DLG2: variants seen among roughly 807,000 people sequenced by gnomAD.
The protein encoded by DLG2 is discs large MAGUK scaffold protein 2.
Under a neutral mutation model 132.5 loss-of-function variants are expected in DLG2, and 45 were observed. The ratio of observed to expected loss-of-function variants is 0.34; its 90% CI spans 0.27 to 0.44. DLG2 has a LOEUF of 0.44. Among genes scored for constraint, DLG2 ranks in the 20% least tolerant of loss-of-function variants. The probability of loss-of-function intolerance (pLI) is 1.00; values close to 1 mark genes in which losing one functional copy is unlikely to be tolerated. For synonymous variants in DLG2, 424 were observed against 419.6 expected, an observed-to-expected ratio of 1.01 and a Z score of -0.13; for missense variants, 1,045 against 1,196.9, an observed-to-expected ratio of 0.87 and a Z score of 1.87.
chr11:83,984,205 GAT>G (rs1221786112), intron 11 of DLG2, among the ~76,000 whole-genome samples: 6 of 127,304 alleles, frequency 4.7e-5, no homozygotes, highest in African/African-American at 2.2e-4. Context: ...TAGATAGATA[GAT>G]AGATAGATAG....
At chr11:83,914,242 C>T (rs2076550487) in intron 15 of DLG2, among the ~76,000 whole-genome samples, 1 of 152,030 alleles carries the variant, frequency 6.6e-6, no homozygotes, top group African/African-American at 2.4e-5. Context: ...CAAGATCTGG[C>T]TGTAAAAAAC....
intron 5 of DLG2, among the ~76,000 whole-genome samples, chr11:85,134,328 G>C (rs779309473): frequency 6.7e-6 from 1 of 148,976 alleles, no homozygotes; most frequent in Non-Finnish European, 1.5e-5. Flanking sequence ...AGGAGATCGA[G>C]ACCATCCCGG....
At chr11:83,874,090 AAG>A (rs1208455753) in intron 16 of DLG2, among the ~76,000 whole-genome samples, 3 of 152,022 alleles carry the variant, frequency 2.0e-5, no homozygotes, top group Non-Finnish European at 4.4e-5. Context: ...GAAAGAAAAA[AAG>A]AGAGAGAGTG....
At chr11:83,788,128 C>T (rs1479192885) in intron 17 of DLG2, among the ~76,000 whole-genome samples, 5 of 152,162 alleles carry the variant, frequency 3.3e-5, no homozygotes, top group Admixed American at 6.5e-5. Flanking sequence ...AGCTTATACA[C>T]GTTCAAAATG....
At chr11:84,150,549 A>G (rs976396231) in intron 9 of DLG2, among the ~76,000 whole-genome samples, 1 of 152,188 alleles carries the variant, frequency 6.6e-6, no homozygotes, top group Non-Finnish European at 1.5e-5. Flanking sequence ...ATAGTTTTCT[A>G]TTCTCTCAGT....
In DLG2 at chr11:85,493,279, A is replaced by G. The variant is rs191460910; in HGVS notation, c.40+105378T>C. ...GTAGAAGCTGAATAAACTTACAACT[A>G]CACTATACTCCAACCACACTATCTT... On this transcript the variant is annotated intron_variant, in intron 3 of 27. Transcript: ENST00000376104. Among the ~76,000 whole-genome samples the G allele has an allele frequency of 3.9e-5, 6 of 152,274 alleles. No individual in the cohort carries two copies. The East Asian group carries it at 1.2e-3, about 29-fold the overall frequency.
chr11:84,123,578 T>C (rs895483843), intron 9 of DLG2, among the ~76,000 whole-genome samples: 4 of 152,332 alleles, frequency 2.6e-5, no homozygotes, highest in African/African-American at 9.6e-5. Context: ...GTATGAATCC[T>C]GCTTACATTC....
At chr11:85,028,137 G>C (rs963123976) in intron 6 of DLG2, among the ~76,000 whole-genome samples, 11 of 152,146 alleles carry the variant, frequency 7.2e-5, no homozygotes, top group Admixed American at 2.6e-4. Context: ...GATCTGCAGT[G>C]GGTGGCTCCT....
chr11:84,075,982 C>A lies in DLG2; in HGVS notation c.750-16498G>T, dbSNP rs529509209. Among the ~76,000 whole-genome samples, 5 of 152,230 alleles carry A rather than the reference C, an allele frequency of 3.3e-5. No homozygotes were observed. The East Asian group carries it at 9.7e-4, about 29-fold the overall frequency. The stretch of plus-strand genomic sequence containing the variant: ...TCATTTGTGGAGGCAAAACTCAGAG[C>A]CTGAGGATGGTGGCATAAAGGATTA... On this transcript the variant is annotated intron_variant, in intron 10 of 27. Transcript: ENST00000376104.
chr11:83,462,830 G>C (rs575766724), intron 26 of DLG2, among the ~76,000 whole-genome samples: 126 of 151,928 alleles, frequency 8.3e-4, no homozygotes, highest in Middle Eastern at 6.8e-3. Context: ...TTTTTTAAAA[G>C]GCTCAAGGAT....
intron 6 of DLG2, among the ~76,000 whole-genome samples, chr11:84,746,572 C>T (rs1419119175): frequency 6.6e-6 from 1 of 151,934 alleles, no homozygotes; most frequent in African/African-American, 2.4e-5. Context: ...TAAGATGAGG[C>T]TAATGAAAAG....
At chr11:83,730,146 G>GTTT (rs541441004) in intron 18 of DLG2, among the ~76,000 whole-genome samples, 3,695 of 110,896 alleles carry the variant, frequency 0.033, 248 homozygotes, top group African/African-American at 0.12. Flanking sequence ...TTTTTTTATG[G>GTTT]TTTTTTTTTT....
intron 7 of DLG2, among the ~76,000 whole-genome samples, chr11:84,347,182 A>G (rs2098542971): frequency 6.6e-6 from 1 of 152,084 alleles, no homozygotes; most frequent in Admixed American, 6.6e-5. Context: ...CTTGGCAGTA[A>G]TTGGTTAGGG....
At chr11:84,663,076 T>G (rs1359156094) in intron 6 of DLG2, among the ~76,000 whole-genome samples, 1 of 152,050 alleles carries the variant, frequency 6.6e-6, no homozygotes, top group Non-Finnish European at 1.5e-5. Flanking sequence ...AAAATACATT[T>G]TCCTTAGTAT....
Position 85,092,526 on chromosome 11 carries a change from T to C in DLG2, c.357+19135A>G, listed in dbSNP as rs756042803. 1.3e-5 allele frequency among the ~76,000 whole-genome samples: 2 copies of C among 151,950 alleles called. 1 individual carries two copies. The highest frequency in any genetic ancestry group is 2.9e-5 in the Non-Finnish European group (2 of 67,996). On this transcript the variant is annotated intron_variant, in intron 6 of 27. Coordinates refer to ENST00000376104, the MANE Select transcript of DLG2 (RefSeq NM_001142699.3). ...TCATAGGAAACATTACACAATGAAATAGGCAATAATACATATATATTTTGG... is the reference window on the plus strand; with the variant it reads ...TCATAGGAAACATTACACAATGAAACAGGCAATAATACATATATATTTTGG...
intron 18 of DLG2, among the ~76,000 whole-genome samples, chr11:83,668,252 TAA>T (rs2153566548): frequency 6.6e-6 from 1 of 152,164 alleles, no homozygotes; most frequent in African/African-American, 2.4e-5. Context: ...GACTGATGCA[TAA>T]AAATATCCAG....
chr11:83,503,048 C>G (rs1356359625), intron 21 of DLG2, among the ~76,000 whole-genome samples: 1 of 151,838 alleles, frequency 6.6e-6, no homozygotes, highest in Admixed American at 6.6e-5. Context: ...ACAATAAGCT[C>G]TAAAAAACCT....
At chr11:85,240,823 C>T (rs146613759) in intron 4 of DLG2, among the ~76,000 whole-genome samples, 1 of 151,864 alleles carries the variant, frequency 6.6e-6, no homozygotes, top group African/African-American at 2.4e-5. Context: ...GTCTTAATTA[C>T]TATAACTTTA....
chr11:84,199,037 G>C (rs939132077), intron 8 of DLG2, among the ~76,000 whole-genome samples: 10 of 152,092 alleles, frequency 6.6e-5, no homozygotes, highest in Admixed American at 1.3e-4. Context: ...CTCAAGTGCA[G>C]TATTATTTGC....
Sources: gnomAD v4.1 joint callset for allele counts (sites outside exome capture counted in the v4.1 genomes callset) on GRCh38, gnomAD v4.1.1 for gene constraint, MANE v1.5 for transcripts, NCBI Gene and HGNC (gene_info 2026-07-23, HGNC 2026-07-21) for gene names.